Variants in ITGA8 observed in about 807,000 individuals in gnomAD.
The protein encoded by ITGA8 is integrin alpha-8.
In ITGA8, 91 loss-of-function variants were observed where a neutral mutation model predicts 142.3. The observed-to-expected ratio is 0.64, with a 90% CI of 0.54 to 0.76. ITGA8 has a LOEUF of 0.76. ITGA8 is among the 30% of genes least tolerant of loss of function. The pLI, the probability that ITGA8 is intolerant of heterozygous loss-of-function variation, is 0.00. For missense variants in ITGA8, 1,406 were observed against 1,327.7 expected, an observed-to-expected ratio of 1.06 and a Z score of -0.92; for synonymous variants, 505 against 485.2, an observed-to-expected ratio of 1.04 and a Z score of -0.54.
At chr10:15,520,000 A>G (rs1833026626) in intron 28 of ITGA8, among the ~76,000 whole-genome samples, 1 of 152,244 alleles carries the variant, frequency 6.6e-6, no homozygotes, top group Non-Finnish European at 1.5e-5. Flanking sequence ...TCTGTGCTGT[A>G]TCAGTGAAGG....
intron 13 of ITGA8, among the ~76,000 whole-genome samples, chr10:15,623,677 C>G (rs1232472332): frequency 1.3e-5 from 2 of 152,094 alleles, no homozygotes; most frequent in African/African-American, 4.8e-5. Context: ...CAGAGTGAGA[C>G]TCCATCTCAA....
chr10:15,540,112 T>A (rs1445415643), intron 27 of ITGA8, among the ~76,000 whole-genome samples: 2 of 152,244 alleles, frequency 1.3e-5, no homozygotes, highest in African/African-American at 2.4e-5. Flanking sequence ...GTCTCAGGTA[T>A]GTTTTCATTA....
At chr10:15,659,196 A>G in intron 9 of ITGA8, 141 bp from the exon 10 acceptor site, 2 of 528,496 alleles carry the variant, frequency 3.8e-6, no homozygotes, top group Non-Finnish European at 3.3e-6. Context: ...ATGAAAGCCC[A>G]CGGAATGATC....
intron 27 of ITGA8, among the ~76,000 whole-genome samples, chr10:15,539,151 T>C (rs994806844): frequency 6.6e-6 from 1 of 152,120 alleles, no homozygotes; most frequent in Non-Finnish European, 1.5e-5. Context: ...GAGGGAAGCT[T>C]GCCTCTCACT....
chr10:15,527,906 C>CTTTTTTTTTTTTTTTTTTTTTTTTTTT lies in ITGA8; in HGVS notation c.2982+3117_2982+3143dup, dbSNP rs34758919. Among the ~76,000 whole-genome samples, 30 of 78,036 alleles carry CTTTTTTTTTTTTTTTTTTTTTTTTTTT rather than the reference C, an allele frequency of 3.8e-4. 14 individuals are homozygous for CTTTTTTTTTTTTTTTTTTTTTTTTTTT. The highest frequency in any genetic ancestry group is 1.4e-3 in the South Asian group (3 of 2,186). 51.2% of individuals were successfully genotyped at this position (78,036 alleles called of 152,430 possible). A position where few individuals can be genotyped will look rare whatever the true frequency, so the allele number is the denominator to read the frequency against. On this transcript the variant is annotated intron_variant, in intron 28 of 29. Coordinates refer to ENST00000378076, the MANE Select transcript of ITGA8 (RefSeq NM_003638.3). ...TTAAAGCAATTCCCTTTCGGCTGGG[C>CTTTTTTTTTTTTTTTTTTTTTTTTTTT]TTTTTTTTTTTTTTTTTTTTTTTTT...
chr10:15,536,490 C>T (rs1015087630), intron 27 of ITGA8, among the ~76,000 whole-genome samples: 2 of 152,164 alleles, frequency 1.3e-5, no homozygotes, highest in African/African-American at 4.8e-5. Flanking sequence ...AGTGATTCCA[C>T]ATCCAAAGTT....
At chr10:15,670,059 T>C (rs1487444684) in intron 8 of ITGA8, among the ~76,000 whole-genome samples, 2 of 152,196 alleles carry the variant, frequency 1.3e-5, no homozygotes, top group Non-Finnish European at 1.5e-5. Flanking sequence ...AATGCAGAAA[T>C]CACCCATCTT....
chr10:15,702,131 G>A (rs1564416112), intron 2 of ITGA8, among the ~76,000 whole-genome samples: 1 of 151,896 alleles, frequency 6.6e-6, no homozygotes, highest in African/African-American at 2.4e-5. Context: ...TTTTCCTTAC[G>A]ATGTTCGAGA....
intron 22 of ITGA8, among the ~76,000 whole-genome samples, chr10:15,591,562 C>T (rs543732862): frequency 1.3e-5 from 2 of 152,170 alleles, no homozygotes; most frequent in East Asian, 3.9e-4. Context: ...CCAAATGCCA[C>T]ACTACTACTT....
At chr10:15,617,219 A>T (rs955403747) in intron 13 of ITGA8, among the ~76,000 whole-genome samples, 3 of 152,190 alleles carry the variant, frequency 2.0e-5, no homozygotes, top group African/African-American at 7.2e-5. Flanking sequence ...CTTTATTATT[A>T]GCACAATTTT....
Position 15,644,058 on chromosome 10 carries a change from A to C in ITGA8, c.1371T>G (p.Asp457Glu), listed in dbSNP as rs1380728487. The change falls in exon 13 of 30, where the codon GAT becomes GAG. Residue 457 changes from aspartate to glutamate, a missense_variant. Coordinates refer to ENST00000378076, the MANE Select transcript of ITGA8 (RefSeq NM_003638.3). ...PSGFGFTLRG[D>E]SDIDKNDYPD... ...GGTAATCATTCTTGTCTATGTCTGA[A>C]TCTCCTCTTAAAGTAAAGCCAAATC... 5 of 1,613,940 alleles carry C rather than the reference A, an allele frequency of 3.1e-6. No homozygotes were observed. Among genetic ancestry groups the C allele is most frequent in the Non-Finnish European group, 4.2e-6 (5 of 1,179,926 alleles).
At chr10:15,602,800 G>A (rs1267787657) in intron 20 of ITGA8, among the ~76,000 whole-genome samples, 1 of 152,046 alleles carries the variant, frequency 6.6e-6, no homozygotes, top group Non-Finnish European at 1.5e-5. Flanking sequence ...GGAGAAATTA[G>A]GGTTTATACT....
chr10:15,694,596 A>C (rs574920273), intron 2 of ITGA8, among the ~76,000 whole-genome samples: 8 of 138,736 alleles, frequency 5.8e-5, no homozygotes, highest in African/African-American at 2.1e-4. Context: ...TATAAAATGG[A>C]TATATAATAT....
chr10:15,631,258 C>T (rs1056687642), intron 13 of ITGA8, among the ~76,000 whole-genome samples: 2 of 151,956 alleles, frequency 1.3e-5, no homozygotes, highest in Admixed American at 1.3e-4. Flanking sequence ...TATAAAGACA[C>T]ATGCACACAT....
At position 15,644,091 on chromosome 10, in the gene ITGA8, G is replaced by A. The variant is rs146778780; in HGVS notation, c.1338C>T (p.Val446=). The change falls in exon 13 of 30, where the codon GTC becomes GTT. Residue 446 remains valine (V), a synonymous_variant. Transcript: ENST00000378076. ...TTAAAGTAAAGCCAAATCCGGAAGG[G>A]ACAGCATGTGAGGCCCACACTCCTT... is the stretch of plus-strand genomic sequence containing the variant. ...VLQGVWASHA[V]PSGFGFTLRG... The A allele has an allele frequency of 3.1e-6, 5 of 1,613,942 alleles. No homozygotes were observed. Among genetic ancestry groups the A allele is most frequent in the Non-Finnish European group, 4.2e-6 (5 of 1,179,990 alleles).
intron 22 of ITGA8, among the ~76,000 whole-genome samples, chr10:15,588,957 C>T (rs1300180744): frequency 6.6e-6 from 1 of 152,174 alleles, no homozygotes; most frequent in African/African-American, 2.4e-5. Context: ...GCGGTGTCAG[C>T]AATATCTCTT....
chr10:15,645,092 C>CAAAAAA (rs1168510743), intron 12 of ITGA8, among the ~76,000 whole-genome samples: 3 of 46,802 alleles, frequency 6.4e-5, no homozygotes, highest in South Asian at 1.5e-3. Flanking sequence ...GACTCTGTCT[C>CAAAAAA]AAAAAAAAAA....
intron 11 of ITGA8, among the ~76,000 whole-genome samples, chr10:15,648,995 A>G (rs1834037201): frequency 6.6e-6 from 1 of 152,116 alleles, no homozygotes; most frequent in Non-Finnish European, 1.5e-5. Context: ...TGGACCAGGG[A>G]GAGGCTGGGT....
In ITGA8 at chr10:15,673,002, C is replaced by T. The variant is rs9333263; in HGVS notation, c.677-253G>A. 5.7e-3 allele frequency among the ~76,000 whole-genome samples: 869 copies of T among 152,334 alleles called. 5 individuals are homozygous for T. Among genetic ancestry groups the T allele is most frequent in the Non-Finnish European group, 7.7e-3 (527 of 68,036 alleles). On this transcript the variant is annotated intron_variant, in intron 6 of 29. Transcript: ENST00000378076. ...TGCTTTTAACATACACACTCCACCT[C>T]CAAATGATAAAAGTATCCAAGAGTG...
Sources: allele counts gnomAD v4.1 joint callset (sites outside exome capture counted in the v4.1 genomes callset), GRCh38; gene constraint gnomAD v4.1.1; transcripts MANE v1.5; gene names NCBI Gene and HGNC (gene_info 2026-07-23, HGNC 2026-07-21).